The following RNF213 variants were observed in gnomAD, a reference collection of about 807,000 sequenced individuals.
The protein encoded by RNF213 is ring finger protein 213.
Under a neutral mutation model 514.4 loss-of-function variants are expected in RNF213, and 341 were observed. That is an observed-to-expected ratio of 0.66 (90% confidence interval 0.61 to 0.73). RNF213 has a LOEUF of 0.73. Among genes scored for constraint, RNF213 ranks in the 30% least tolerant of loss-of-function variants. The pLI, the probability that RNF213 is intolerant of heterozygous loss-of-function variation, is 0.00. For missense variants in RNF213, 5,767 were observed against 6,615.6 expected (o/e 0.87, Z 4.45); for synonymous variants, 2,655 against 2,658.2 (o/e 1.00, Z 0.04).
chr17:80,301,893 G>A (rs1487032041), intron 11 of RNF213, among the ~76,000 whole-genome samples: 2 of 152,274 alleles, frequency 1.3e-5, no homozygotes, highest in East Asian at 1.9e-4. Flanking sequence ...GTGTCCACCC[G>A]CAGATGAGTG....
At chr17:80,342,946 C>T (rs2144100018) in intron 26 of RNF213, among the ~76,000 whole-genome samples, 186 bp from the exon 27 acceptor site, 1 of 151,640 alleles carries the variant, frequency 6.6e-6, no homozygotes, top group African/African-American at 2.4e-5. Context: ...GCTGGGATTA[C>T]AGGTGCCTGC....
intron 39 of RNF213, among the ~76,000 whole-genome samples, chr17:80,362,495 C>A (rs1366119116): frequency 1.3e-5 from 2 of 152,238 alleles, no homozygotes; most frequent in African/African-American, 4.8e-5. Context: ...CAAATCAACA[C>A]AACAGTTTTT....
chr17:80,363,662 C>T lies in RNF213; in HGVS notation c.11622C>T (p.Thr3874=), dbSNP rs528449126. The T allele has an allele frequency of 3.7e-6, 6 of 1,614,126 alleles. No homozygotes were observed. Among genetic ancestry groups the T allele is most frequent in the Non-Finnish European group, 5.1e-6 (6 of 1,180,036 alleles). Reference sequence around the variant, plus strand: ...GCACGGAGATGCTGACAAGAAACACCCTGAAGCCCAGTCCCCAGGCGTGGC... The same window carrying T: ...GCACGGAGATGCTGACAAGAAACACTCTGAAGCCCAGTCCCCAGGCGTGGC... ...MACTEMLTRN[T]LKPSPQAWLQ... The change falls in exon 41 of 68, where the codon ACC becomes ACT. Residue 3874 remains threonine, a synonymous_variant. Transcript: ENST00000582970.
rs1198129671 is a variant in RNF213, at chr17:80,382,987, A to C, written c.13987A>C (p.Asn4663His). 1 of 1,613,046 alleles carries C rather than the reference A, an allele frequency of 6.2e-7. No individual in the cohort carries two copies. The highest frequency in any genetic ancestry group is 1.7e-5 in the Admixed American group (1 of 60,022). Residue 4663 changes from asparagine to histidine, a missense_variant, in exon 58 of 68, where the codon AAT becomes CAT. Around this residue, in one of 13 missense-constraint regions of RNF213, gnomAD observed 1,245 missense variants for 1,339.0 expected, o/e 0.93. Coordinates refer to ENST00000582970, the MANE Select transcript of RNF213 (RefSeq NM_001256071.3). The part of the protein sequence containing the change: ...QHQLSSRRLL[N>H]FDTELSTKEM... ...TTGGAGTTTTTTTGTAGGGCTTTTA[A>C]ATTTTGACACAGAATTGTCAACTAA...
chr17:80,284,453 A>G (rs2143146135), intron 3 of RNF213, among the ~76,000 whole-genome samples: 1 of 152,220 alleles, frequency 6.6e-6, no homozygotes, highest in East Asian at 1.9e-4. Flanking sequence ...CTGAGGCAGG[A>G]GAATGGCATG....
chr17:80,354,462 A>G lies in RNF213; in HGVS notation c.10748A>G (p.Lys3583Arg). Residue 3583 changes from lysine to arginine, a missense_variant, in exon 36 of 68, where the codon AAG becomes AGG. Around this residue, in one of 13 missense-constraint regions of RNF213, gnomAD observed 919 missense variants for 1,121.0 expected, o/e 0.82. Transcript: ENST00000582970. ...ACHASFLRVS[K>R]MRLSVFLKKQ... ...ACAGCCTCTTTCTTGCGGGTATCCA[A>G]GATGCGCCTCAGTGTCTTTTTAAAG... 1 of 1,614,230 alleles carries G rather than the reference A, an allele frequency of 6.2e-7. No homozygotes were observed.
chr17:80,346,673 A>G lies in RNF213; in HGVS notation c.8338A>G (p.Thr2780Ala). The G allele has an allele frequency of 1.2e-6, 2 of 1,611,428 alleles. No homozygotes were observed. The highest frequency in any genetic ancestry group is 2.2e-5 in the South Asian group (2 of 91,068). Residue 2780 changes from threonine (T) to alanine (A), a missense_variant, in exon 29 of 68, where the codon ACC becomes GCC. This residue lies in a region of RNF213 where 105 missense variants were observed against 183.9 expected (regional missense o/e 0.57). Coordinates refer to ENST00000582970, the MANE Select transcript of RNF213 (RefSeq NM_001256071.3). This position sits in a 1 kb window ranked among gnomAD's most constrained non-coding sequence, Gnocchi z 8.1. The part of the protein sequence containing the change: ...KPGSSKSLAK[T>A]IVADAMQGPA... ...CGGCAGCTCCAAGTCTCTCGCCAAG[A>G]CCATCGTGGCAGACGCCATGCAGGG...
rs1192358172 is a variant in RNF213 at position 80,347,427 on chromosome 17, G to T, written c.9092G>T (p.Gly3031Val). ...NIFGPSQKVP[G>V]GEQEDAESRY... ...TTTGGGCCTTCTCAGAAGGTGCCGG[G>T]TGGAGAGCAGGAAGATGCTGAGTCC... Residue 3031 changes from glycine (G) to valine (V), a missense_variant, in exon 29 of 68, where the codon GGT becomes GTT. Physicochemically the swap from Gly to Val is moderately radical, Grantham distance 109 (BLOSUM62 -3). Transcript: ENST00000582970. The surrounding 1 kb of genome is among the most constrained non-coding windows in gnomAD (Gnocchi z 7.2). The T allele has an allele frequency of 4.3e-6, 7 of 1,613,906 alleles. No homozygotes were observed. The highest frequency in any genetic ancestry group is 1.7e-5 in the Admixed American group (1 of 60,014).
chr17:80,359,115 G>T (rs1380617810), intron 37 of RNF213, among the ~76,000 whole-genome samples: 1 of 152,092 alleles, frequency 6.6e-6, no homozygotes, highest in Non-Finnish European at 1.5e-5. Context: ...TGGTGGAGCG[G>T]CACAGCCCCC....
rs758486635 is a variant in RNF213 at position 80,372,641 on chromosome 17, G to A, written c.12658G>A (p.Glu4220Lys). The A allele has an allele frequency of 6.8e-6, 11 of 1,614,032 alleles. No homozygotes were observed. The highest frequency in any genetic ancestry group is 3.3e-5 in the Admixed American group (2 of 60,008). ...AAGCCGGGGCCGAGAGCCTGCCAAC[G>A]AGGCCTCGGTTGAATACCTGCAAGA... ...PASRGREPAN[E>K]ASVEYLQEVA... Residue 4220 changes from glutamate to lysine, a missense_variant, in exon 48 of 68, where the codon GAG (glutamate) becomes AAG (lysine). Transcript: ENST00000582970.
Position 80,374,564 on chromosome 17 carries a change from C to T in RNF213, c.13049C>T (p.Pro4350Leu). The T allele has an allele frequency of 6.2e-7, 1 of 1,614,206 alleles. No individual in the cohort carries two copies. Among genetic ancestry groups the T allele is most frequent in the Non-Finnish European group, 8.5e-7 (1 of 1,180,046 alleles). ...AVAKAVLECK[P>L]LGIKTALKAC... ...GCCAAAGCTGTCCTCGAGTGCAAGCCACTGGGCATTAAGACTGCTCTGAAG... is the reference window on the plus strand; with the variant it reads ...GCCAAAGCTGTCCTCGAGTGCAAGCTACTGGGCATTAAGACTGCTCTGAAG... The change falls in exon 50 of 68, where the codon CCA becomes CTA. Residue 4350 changes from proline (P) to leucine (L), a missense_variant. Coordinates refer to ENST00000582970, the MANE Select transcript of RNF213 (RefSeq NM_001256071.3).
chr17:80,269,615 C>CTGTCTATCCATTCATCTAGCT (rs2043747584), intron 2 of RNF213, among the ~76,000 whole-genome samples: 1 of 152,174 alleles, frequency 6.6e-6, no homozygotes, highest in Non-Finnish European at 1.5e-5. Context: ...TATCTATCAT[C>CTGTCTATCCATTCATCTAGCT]TGTCTATCCA....
intron 7 of RNF213, among the ~76,000 whole-genome samples, 161 bp from the exon 8 acceptor site, chr17:80,291,467 C>G (rs549481794): frequency 6.6e-6 from 1 of 152,238 alleles, no homozygotes; most frequent in East Asian, 1.9e-4. Context: ...AAGAAGTCCT[C>G]CCGCCTCAGC....
At chr17:80,291,238 A>T (rs2044716667) in intron 7 of RNF213, among the ~76,000 whole-genome samples, 1 of 151,476 alleles carries the variant, frequency 6.6e-6, no homozygotes, top group Admixed American at 6.6e-5. Flanking sequence ...TCTTTTTAAA[A>T]GTATTCTTTC....
At chr17:80,352,906 C>A (rs752750278) in intron 32 of RNF213, 34 bp from the exon 33 acceptor site, 1 of 1,613,844 alleles carries the variant, frequency 6.2e-7, no homozygotes, top group Non-Finnish European at 8.5e-7. Flanking sequence ...GGGAAAGACA[C>A]AAAGACAGTT....
intron 18 of RNF213, 44 bp downstream of exon 18, chr17:80,325,242 G>T (rs1261793949): frequency 6.7e-7 from 1 of 1,487,872 alleles, no homozygotes; most frequent in Non-Finnish European, 9.0e-7. Context: ...AGGCAAGGTG[G>T]TGTCTTCCTG....
In RNF213 at chr17:80,371,887, AAAGATTAT is replaced by A; in HGVS notation, c.12441_12448del (p.Lys4147AsnfsTer16). On this transcript the variant is annotated frameshift_variant, in exon 47 of 68. Transcript: ENST00000582970. LOFTEE classifies it high-confidence loss of function. ...CTCTTTCTGCAGCTTTCATGATGTA[AAAGATTAT>A]ATTCAGGAATATTTGACCCTGTTAA... 6.6e-7 allele frequency: 1 copy of A among 1,504,718 alleles called. No homozygotes were observed. The highest frequency in any genetic ancestry group is 9.3e-7 in the Non-Finnish European group (1 of 1,080,388). The allele number at this position is 1,504,718 out of a possible 1,614,324, so 93.2% of individuals were successfully genotyped here.
In RNF213 at chr17:80,379,752, C is replaced by T. The variant is rs543021338; in HGVS notation, c.13640+38C>T. 7 of 1,570,448 alleles carry T rather than the reference C, an allele frequency of 4.5e-6. 1 individual carries two copies. The Admixed American group carries it at 1.2e-4, about 26-fold the overall frequency. On this transcript the variant is annotated intron_variant, in intron 55 of 67. Transcript: ENST00000582970. ...GGATTCTATTTCCTAAGTACTCAAA[C>T]TTTGGGGTGTTGGGCTGTTTTTATT... is the stretch of plus-strand genomic sequence containing the variant.
At chr17:80,361,442 C>A (rs1224192321) in intron 38 of RNF213, among the ~76,000 whole-genome samples, 1 of 152,118 alleles carries the variant, frequency 6.6e-6, no homozygotes, top group Non-Finnish European at 1.5e-5. Flanking sequence ...ATCACTTGAA[C>A]CTGGGAGGCG....
Sources: gnomAD v4.1 joint callset for allele counts (sites outside exome capture counted in the v4.1 genomes callset) on GRCh38, gnomAD v4.1.1 for gene constraint, gnomAD v4.1.1 regional missense constraint, Gnocchi (gnomAD v3.1) non-coding constraint, MANE v1.5 for transcripts, NCBI Gene and HGNC (gene_info 2026-07-23, HGNC 2026-07-21) for gene names.